UVRAG: variants seen among roughly 807,000 people sequenced by gnomAD.
The protein encoded by UVRAG is UV radiation resistance-associated gene protein.
A neutral mutation model predicts 78.0 loss-of-function variants in UVRAG; 19 were observed. That is an observed-to-expected ratio of 0.24 (90% CI 0.17 to 0.36). The LOEUF (loss-of-function observed/expected upper bound fraction) is 0.36, where lower values mean the gene tolerates loss of function less well. Among genes scored for constraint, UVRAG ranks in the 10% least tolerant of loss-of-function variants. The probability of loss-of-function intolerance (pLI) is 1.00; values close to 1 mark genes in which losing one functional copy is unlikely to be tolerated. For synonymous variants in UVRAG, 323 were observed against 324.6 expected, an observed-to-expected ratio of 1.00 and a Z score of 0.05; for missense variants, 740 against 853.8, an observed-to-expected ratio of 0.87 and a Z score of 1.66.
Position 76,130,796 on chromosome 11 carries a change from C to G in UVRAG, c.1398-9915C>G, listed in dbSNP as rs376833788. Among the ~76,000 whole-genome samples, 7 of 152,254 alleles carry G rather than the reference C, an allele frequency of 4.6e-5. No individual in the cohort carries two copies. The East Asian group carries it at 7.7e-4, about 17-fold the overall frequency. On this transcript the variant is annotated intron_variant, in intron 14 of 14. Transcript: ENST00000356136. ...TCTAATGCATCCTTTAGCTCCCTTC[C>G]AAGTCTAGTTTTTAAACTCTGAAAG...
chr11:75,995,978 A>G (rs1464232069), intron 8 of UVRAG, among the ~76,000 whole-genome samples: 1 of 152,166 alleles, frequency 6.6e-6, no homozygotes, highest in Admixed American at 6.5e-5. Flanking sequence ...AAGCCAGACA[A>G]CTTGTGGCAG....
At chr11:76,043,940 G>A (rs552263502) in intron 12 of UVRAG, among the ~76,000 whole-genome samples, 15 of 152,326 alleles carry the variant, frequency 9.8e-5, no homozygotes, top group African/African-American at 3.4e-4. Context: ...GAGTTTGTAT[G>A]TAATGGAAAC....
chr11:76,007,377 A>G (rs1949964925), intron 9 of UVRAG, among the ~76,000 whole-genome samples, 157 bp from the exon 10 acceptor site: 1 of 152,228 alleles, frequency 6.6e-6, no homozygotes, highest in South Asian at 2.1e-4. Context: ...AGATAGGTCA[A>G]GACTTACGGT....
chr11:75,929,607 T>C (rs1361888758), intron 6 of UVRAG, among the ~76,000 whole-genome samples: 3 of 152,086 alleles, frequency 2.0e-5, no homozygotes, highest in Non-Finnish European at 4.4e-5. Flanking sequence ...GGGAGAGAAA[T>C]GAAGCCCGTT....
At chr11:75,878,323 C>T in intron 3 of UVRAG, 1 of 186,666 alleles carries the variant, frequency 5.4e-6, no homozygotes, top group South Asian at 8.5e-5. Flanking sequence ...AAGAGGCGCT[C>T]CTCACTTCCT....
At chr11:76,028,467 G>C (rs1950372133) in intron 12 of UVRAG, among the ~76,000 whole-genome samples, 1 of 152,106 alleles carries the variant, frequency 6.6e-6, no homozygotes, top group Non-Finnish European at 1.5e-5. Context: ...AGCTGAGATG[G>C]GCTGAAAGCT....
At chr11:76,041,276 G>A (rs1950644400) in intron 12 of UVRAG, among the ~76,000 whole-genome samples, 1 of 152,216 alleles carries the variant, frequency 6.6e-6, no homozygotes, top group South Asian at 2.1e-4. Flanking sequence ...GCAGGGCTTG[G>A]AGATCAGAGA....
At chr11:75,950,961 TGTACAC>T (rs1442451717) in intron 6 of UVRAG, among the ~76,000 whole-genome samples, 2 of 133,238 alleles carry the variant, frequency 1.5e-5, no homozygotes, top group African/African-American at 6.9e-5. Flanking sequence ...CTTTGTCAGG[TGTACAC>T]ACACACACAC....
chr11:75,887,674 C>G (rs1394825684), intron 4 of UVRAG, among the ~76,000 whole-genome samples: 1 of 152,044 alleles, frequency 6.6e-6, no homozygotes, highest in African/African-American at 2.4e-5. Context: ...GTCTCGATCT[C>G]CTGACCTCGT....
chr11:75,895,435 A>T (rs549073385), intron 5 of UVRAG, among the ~76,000 whole-genome samples: 1 of 152,280 alleles, frequency 6.6e-6, no homozygotes, highest in South Asian at 2.1e-4. Context: ...ATAGAATACA[A>T]TGGCTAAGTA....
chr11:75,912,022 T>A lies in UVRAG; in HGVS notation c.576T>A (p.Asp192Glu), dbSNP rs905962437. The change falls in exon 6 of 15, where the codon GAT (aspartate) becomes GAA (glutamate). Residue 192 changes from aspartate to glutamate, a missense_variant. Asp to Glu is a conservative substitution (Grantham distance 45). Transcript: ENST00000356136. ...AGAACTGTGTTCGCAATTCTTACGA[T>A]GTCTTCTCTTTGCTACGGTAAGAAA... ...VDQNCVRNSYDVFSLLRLHRA... is the reference protein window; with the variant it reads ...VDQNCVRNSYEVFSLLRLHRA... 1 of 1,612,194 alleles carries A rather than the reference T, an allele frequency of 6.2e-7. No individual in the cohort carries two copies. The highest frequency in any genetic ancestry group is 1.1e-5 in the South Asian group (1 of 91,006).
At chr11:75,888,461 A>G (rs1238418755) in intron 4 of UVRAG, among the ~76,000 whole-genome samples, 1 of 152,208 alleles carries the variant, frequency 6.6e-6, no homozygotes, top group Admixed American at 6.5e-5. Flanking sequence ...CATGTTAAAA[A>G]AAAATACTTT....
chr11:75,971,149 G>C (rs992167677), intron 7 of UVRAG, among the ~76,000 whole-genome samples: 2 of 152,110 alleles, frequency 1.3e-5, no homozygotes, highest in African/African-American at 4.8e-5. Context: ...TTAGCAATAT[G>C]CATGTACAAT....
chr11:76,095,580 C>G (rs1951773616), intron 13 of UVRAG, among the ~76,000 whole-genome samples: 1 of 149,398 alleles, frequency 6.7e-6, no homozygotes, highest in Non-Finnish European at 1.5e-5. Context: ...TTTTTTAATC[C>G]CTTGGAGCTG....
intron 3 of UVRAG, among the ~76,000 whole-genome samples, chr11:75,862,558 C>T (rs1946446443): frequency 6.6e-6 from 1 of 152,196 alleles, no homozygotes; most frequent in South Asian, 2.1e-4. Context: ...TCTTTCAGTG[C>T]TTCAAACACA....
In UVRAG at chr11:76,065,721, A is replaced by G; in HGVS notation, c.1238A>G (p.Tyr413Cys). The change falls in exon 13 of 15, where the codon TAT (tyrosine) becomes TGT (cysteine). Residue 413 changes from tyrosine to cysteine, a missense_variant. Physicochemically the swap from Tyr to Cys is radical, Grantham distance 194. Transcript: ENST00000356136. ...LTEKEREFPL[Y>C]PKGGEKLQFD... is the part of the protein sequence containing the mutation. ...TTTACCTTTCTTAGGTTTCCACTGT[A>G]TCCAAAAGGAGGGGAGAAGTTGCAG... 6.2e-7 allele frequency: 1 copy of G among 1,613,838 alleles called. No individual in the cohort carries two copies. The highest frequency in any genetic ancestry group is 8.5e-7 in the Non-Finnish European group (1 of 1,179,910).
At chr11:75,949,882 G>T (rs1948657943) in intron 6 of UVRAG, among the ~76,000 whole-genome samples, 2 of 151,868 alleles carry the variant, frequency 1.3e-5, no homozygotes, top group Admixed American at 6.6e-5. Context: ...TCATTATCCA[G>T]AATGTTCCCT....
intron 13 of UVRAG, among the ~76,000 whole-genome samples, chr11:76,098,129 A>G (rs1951819393): frequency 1.3e-5 from 2 of 152,076 alleles, no homozygotes; most frequent in African/African-American, 4.8e-5. Flanking sequence ...CCAAAATAGC[A>G]ACATATAGTC....
At chr11:76,042,688 G>C (rs918439017) in intron 12 of UVRAG, among the ~76,000 whole-genome samples, 1 of 152,144 alleles carries the variant, frequency 6.6e-6, no homozygotes, top group African/African-American at 2.4e-5. Context: ...TGTGATGCTG[G>C]TAATATTCAA....
Sources: allele counts gnomAD v4.1 joint callset (sites outside exome capture counted in the v4.1 genomes callset), GRCh38; gene constraint gnomAD v4.1.1; transcripts MANE v1.5; gene names NCBI Gene and HGNC (gene_info 2026-07-23, HGNC 2026-07-21).